The following IMPG1 variants were observed in gnomAD, a reference collection of about 807,000 sequenced individuals.
The protein encoded by IMPG1 is interphotoreceptor matrix proteoglycan of 150 kDa.
In IMPG1, 85 loss-of-function variants were observed where a neutral mutation model predicts 92.0. The observed-to-expected ratio is 0.92, with a 90% confidence interval of 0.78 to 1.11. The LOEUF is 1.11. Among genes scored for constraint, IMPG1 ranks in the 50% least tolerant of loss-of-function variants. The pLI is 0.00. For missense variants in IMPG1, 1,022 were observed against 956.0 expected (o/e 1.07, Z -0.91); for synonymous variants, 367 against 334.1 (o/e 1.10, Z -1.08).
chr6:75,998,673 A>G (rs979073473), intron 12 of IMPG1, among the ~76,000 whole-genome samples: 20 of 152,244 alleles, frequency 1.3e-4, no homozygotes, highest in Non-Finnish European at 2.1e-4. Flanking sequence ...CTCTCCTGAT[A>G]GACCAGATGA....
At chr6:76,002,722 AGG>A (rs1783016501) in intron 12 of IMPG1, among the ~76,000 whole-genome samples, 194 bp downstream of exon 12, 2 of 152,236 alleles carry the variant, frequency 1.3e-5, no homozygotes, top group African/African-American at 4.8e-5. Flanking sequence ...CTAGAGCTGA[AGG>A]AAGGATGCTG....
intron 12 of IMPG1, among the ~76,000 whole-genome samples, chr6:76,000,080 T>C (rs1782963173): frequency 6.6e-6 from 1 of 152,208 alleles, no homozygotes; most frequent in South Asian, 2.1e-4. Context: ...TAAATTTTTC[T>C]CCTAAGCAAT....
At chr6:76,046,024 G>A (rs1393694735) in intron 1 of IMPG1, among the ~76,000 whole-genome samples, 2 of 151,846 alleles carry the variant, frequency 1.3e-5, no homozygotes, top group Non-Finnish European at 2.9e-5. Flanking sequence ...ATGATGAATT[G>A]GCTGCCATCA....
intron 1 of IMPG1, among the ~76,000 whole-genome samples, chr6:76,062,366 C>T (rs1030037054): frequency 1.3e-5 from 2 of 151,954 alleles, no homozygotes; most frequent in African/African-American, 2.4e-5. Context: ...CATTATGCAG[C>T]CAATAAAATG....
chr6:76,056,518 G>A (rs765558292), intron 1 of IMPG1, among the ~76,000 whole-genome samples: 2 of 152,146 alleles, frequency 1.3e-5, no homozygotes, highest in Non-Finnish European at 2.9e-5. Flanking sequence ...TATCTATGGG[G>A]TGCTTATTTC....
At chr6:75,945,367 T>C (rs1193562325) in intron 14 of IMPG1, among the ~76,000 whole-genome samples, 2 of 151,080 alleles carry the variant, frequency 1.3e-5, no homozygotes, top group African/African-American at 4.9e-5. Flanking sequence ...TCTTTTTTTT[T>C]TTTGAGAGGA....
At chr6:75,923,229 A>G (rs1305412111) in intron 16 of IMPG1, among the ~76,000 whole-genome samples, 1 of 152,070 alleles carries the variant, frequency 6.6e-6, no homozygotes, top group Non-Finnish European at 1.5e-5. Flanking sequence ...TTCACAAATG[A>G]TGTTTCTTCA....
Position 76,018,860 on chromosome 6 carries a change from T to A in IMPG1, c.667-2A>T. The A allele has an allele frequency of 6.4e-7, 1 of 1,561,610 alleles. No homozygotes were observed. Among genetic ancestry groups the A allele is most frequent in the Non-Finnish European group, 8.6e-7 (1 of 1,158,612 alleles). On this transcript the variant is annotated splice_acceptor_variant, in intron 6 of 16. Coordinates refer to ENST00000369950, the MANE Select transcript of IMPG1 (RefSeq NM_001563.4). LOFTEE classifies it high-confidence loss of function. ...CACAGCGAATTCTGTTTCTCTTTCC[T>A]GAGTTTAAAAAAAAAAAAAAGGACT...
intron 12 of IMPG1, among the ~76,000 whole-genome samples, chr6:75,997,036 A>C (rs1028790401): frequency 6.6e-6 from 1 of 152,218 alleles, no homozygotes; most frequent in African/African-American, 2.4e-5. Context: ...AGGACATATT[A>C]AGTCACCTGA....
intron 1 of IMPG1, among the ~76,000 whole-genome samples, chr6:76,066,305 A>G (rs1784309493): frequency 6.6e-6 from 1 of 152,086 alleles, no homozygotes; most frequent in Admixed American, 6.6e-5. Context: ...ACAAGGTCCA[A>G]TGATGTGCTG....
chr6:76,070,780 CAT>C (rs1305550307), intron 1 of IMPG1, among the ~76,000 whole-genome samples: 3 of 151,886 alleles, frequency 2.0e-5, no homozygotes, highest in Non-Finnish European at 4.4e-5. Flanking sequence ...ACAAGAAAGA[CAT>C]AGAGAGTGGA....
chr6:76,016,075 A>G (rs1036358464), intron 7 of IMPG1, among the ~76,000 whole-genome samples: 1 of 152,230 alleles, frequency 6.6e-6, no homozygotes, highest in African/African-American at 2.4e-5. Flanking sequence ...AATTGCATGA[A>G]AAATTAAATG....
At chr6:75,951,748 A>C (rs752663020) in intron 12 of IMPG1, among the ~76,000 whole-genome samples, 1 of 152,180 alleles carries the variant, frequency 6.6e-6, no homozygotes, top group South Asian at 2.1e-4. Flanking sequence ...TGAATGTTAC[A>C]TTGACCATAC....
At chr6:75,982,541 A>C (rs375538834) in intron 12 of IMPG1, among the ~76,000 whole-genome samples, 1 of 146,628 alleles carries the variant, frequency 6.8e-6, no homozygotes, top group Non-Finnish European at 1.5e-5. Context: ...AAAAATGTGT[A>C]TATCTATCTA....
intron 2 of IMPG1, among the ~76,000 whole-genome samples, chr6:76,038,521 T>C (rs946106658): frequency 6.6e-6 from 1 of 152,182 alleles, no homozygotes; most frequent in East Asian, 1.9e-4. Flanking sequence ...CCCACCAGGA[T>C]AGTCCCCCAT....
chr6:76,055,280 T>C (rs930537700), intron 1 of IMPG1, among the ~76,000 whole-genome samples: 23 of 152,064 alleles, frequency 1.5e-4, no homozygotes, highest in African/African-American at 5.3e-4. Flanking sequence ...AAAATCTTTA[T>C]GTATTTGAAA....
intron 12 of IMPG1, among the ~76,000 whole-genome samples, chr6:75,960,391 A>G (rs939588306): frequency 5.3e-5 from 8 of 152,236 alleles, no homozygotes; most frequent in African/African-American, 1.9e-4. Flanking sequence ...AATAAACCTA[A>G]CCAAGTTAAT....
At chr6:76,045,742 G>A (rs1046777173) in intron 1 of IMPG1, among the ~76,000 whole-genome samples, 1 of 152,126 alleles carries the variant, frequency 6.6e-6, no homozygotes, top group Middle Eastern at 3.2e-3. Context: ...CCTTGAGTAA[G>A]GCAATTAGAC....
chr6:76,003,501 A>G (rs1783036720), intron 11 of IMPG1, among the ~76,000 whole-genome samples: 1 of 152,220 alleles, frequency 6.6e-6, no homozygotes. Flanking sequence ...ACAAATTTAT[A>G]AAGTATGATC....
Sources: allele counts gnomAD v4.1 joint callset (sites outside exome capture counted in the v4.1 genomes callset), GRCh38; gene constraint gnomAD v4.1.1; transcripts MANE v1.5; gene names NCBI Gene and HGNC (gene_info 2026-07-23, HGNC 2026-07-21).